The following APP variants were observed in gnomAD, a reference collection of about 807,000 sequenced individuals.
APP encodes the protein amyloid-beta precursor protein.
In APP, 31 loss-of-function variants were observed where a neutral mutation model predicts 101.4. That is an observed-to-expected ratio of 0.31 (90% CI 0.23 to 0.41). The LOEUF is 0.41. Ranked by LOEUF, APP falls within the 10% of genes least tolerant of loss-of-function variation. The pLI, the probability that APP is intolerant of heterozygous loss-of-function variation, is 1.00. For missense variants in APP, 839 were observed against 1,003.7 expected (o/e 0.84, Z 2.22); for synonymous variants, 366 against 364.4 (o/e 1.00, Z -0.05).
At chr21:26,079,044 CAAA>C (rs34285555) in intron 3 of APP, among the ~76,000 whole-genome samples, 3 of 114,452 alleles carry the variant, frequency 2.6e-5, no homozygotes, top group Non-Finnish European at 1.7e-5. Context: ...AACTCCATCT[CAAA>C]AAAAAAAAAA....
intron 3 of APP, among the ~76,000 whole-genome samples, chr21:26,089,167 T>C (rs1052675106): frequency 6.6e-6 from 1 of 152,150 alleles, no homozygotes; most frequent in Non-Finnish European, 1.5e-5. Flanking sequence ...ATGAATACAC[T>C]TGTGGAAAAC....
At chr21:25,904,898 A>G in intron 15 of APP, 126 bp downstream of exon 15, 2 of 820,634 alleles carry the variant, frequency 2.4e-6, no homozygotes, top group Admixed American at 2.0e-5. Context: ...TTGGTTTCTA[A>G]GGTCACTTCA....
chr21:25,995,439 G>A (rs2043015178), intron 8 of APP, among the ~76,000 whole-genome samples: 1 of 111,686 alleles, frequency 9.0e-6, no homozygotes, highest in Admixed American at 1.0e-4. Flanking sequence ...GCCATTTGGT[G>A]TGGAGTGCGG....
Position 26,126,989 on chromosome 21 carries a change from AC to A in APP, c.58-14844del, listed in dbSNP as rs909496223. Among the ~76,000 whole-genome samples, 72 of 151,974 alleles carry A rather than the reference AC, an allele frequency of 4.7e-4. 1 individual carries two copies. The highest frequency in any genetic ancestry group is 1.6e-3 in the African/African-American group (66 of 41,416). ...CCTTCCACAGAAGCAAAAAAAAAAA[AC>A]GTTAATTTTTAAAAGGTAGTTGGTG... On this transcript the variant is annotated intron_variant, in intron 1 of 17. Transcript: ENST00000346798.
intron 6 of APP, among the ~76,000 whole-genome samples, chr21:26,010,897 C>CACA (rs2043771738): frequency 6.7e-6 from 1 of 150,260 alleles, no homozygotes; most frequent in Non-Finnish European, 1.5e-5. Context: ...CTTGGTGAGG[C>CACA]ACACCTGTAA....
intron 17 of APP, among the ~76,000 whole-genome samples, chr21:25,886,510 C>T (rs2037338217): frequency 6.6e-6 from 1 of 152,100 alleles, no homozygotes; most frequent in Non-Finnish European, 1.5e-5. Context: ...TCTCCTGCCT[C>T]AGCCTCCTGA....
intron 1 of APP, 76 bp downstream of exon 1, chr21:26,170,488 A>G: frequency 6.8e-7 from 1 of 1,461,140 alleles, no homozygotes; most frequent in Non-Finnish European, 9.2e-7. Flanking sequence ...TGCATTAAAG[A>G]CTTGGGTTAA....
chr21:26,099,840 G>T (rs1006681341), intron 2 of APP, among the ~76,000 whole-genome samples: 2 of 152,212 alleles, frequency 1.3e-5, no homozygotes, highest in Non-Finnish European at 2.9e-5. Flanking sequence ...AGCATGCTAT[G>T]TTTCCAAATG....
intron 13 of APP, among the ~76,000 whole-genome samples, chr21:25,953,460 C>T (rs945993274): frequency 4.0e-4 from 61 of 152,272 alleles, no homozygotes; most frequent in Middle Eastern, 3.4e-3. Flanking sequence ...ACTTCAAAGT[C>T]GGACTTACTG....
At chr21:26,147,831 T>C (rs2063184065) in intron 1 of APP, among the ~76,000 whole-genome samples, 1 of 151,910 alleles carries the variant, frequency 6.6e-6, no homozygotes, top group African/African-American at 2.4e-5. Context: ...CTGAAGTCTC[T>C]TGGAAGGACT....
At chr21:26,019,951 T>C (rs1293767435) in intron 6 of APP, among the ~76,000 whole-genome samples, 2 of 152,246 alleles carry the variant, frequency 1.3e-5, no homozygotes, top group African/African-American at 2.4e-5. Context: ...GCGCATTTAC[T>C]AGCACATTTA....
In APP at chr21:25,943,449, C is replaced by CTT. The variant is rs769731298; in HGVS notation, c.1687+11139_1687+11140dup. On this transcript the variant is annotated intron_variant, in intron 13 of 17. Transcript: ENST00000346798. Reference sequence around the variant, plus strand: ...TTACAGGCGTGAGCACCGCACCCAGCTTTTTTTTTTTTTTCTCTTTTGAGA... The same window carrying CTT: ...TTACAGGCGTGAGCACCGCACCCAGCTTTTTTTTTTTTTTTTCTCTTTTGAGA... Among the ~76,000 whole-genome samples, 23 of 109,268 alleles carry CTT rather than the reference C, an allele frequency of 2.1e-4. No homozygotes were observed. The South Asian group carries it at 6.0e-3, about 28-fold the overall frequency. The allele number at this position is 109,268 out of a possible 152,430, so 71.7% of individuals were successfully genotyped here. A position where few individuals can be genotyped will look rare whatever the true frequency, so the allele number is the denominator to read the frequency against.
At chr21:26,024,815 CCTTT>C (rs569939027) in intron 5 of APP, among the ~76,000 whole-genome samples, 45 of 152,292 alleles carry the variant, frequency 3.0e-4, no homozygotes, top group African/African-American at 1.1e-3. Context: ...AAGTGGAACG[CCTTT>C]CTAACTCTGA....
intron 13 of APP, among the ~76,000 whole-genome samples, 163 bp from the exon 14 acceptor site, chr21:25,912,125 G>A (rs911008217): frequency 6.6e-6 from 1 of 152,160 alleles, no homozygotes; most frequent in African/African-American, 2.4e-5. Context: ...CCCTTTTACA[G>A]ATGTGAAAAC....
At chr21:26,143,335 A>G (rs1004767728) in intron 1 of APP, among the ~76,000 whole-genome samples, 16 of 152,236 alleles carry the variant, frequency 1.1e-4, no homozygotes, top group Non-Finnish European at 2.2e-4. Context: ...TGAAGTTTTG[A>G]TAATCAAAAG....
intron 6 of APP, among the ~76,000 whole-genome samples, chr21:26,006,699 A>G (rs934195348): frequency 2.0e-5 from 3 of 152,240 alleles, no homozygotes; most frequent in African/African-American, 7.2e-5. Flanking sequence ...CTGATTTTAC[A>G]TATTTTAATA....
intron 8 of APP, among the ~76,000 whole-genome samples, chr21:25,988,332 A>T (rs1169310301): frequency 6.6e-6 from 1 of 152,088 alleles, no homozygotes; most frequent in East Asian, 1.9e-4. Context: ...TTTGAGGGGG[A>T]GTATATGTGA....
chr21:25,950,857 T>G (rs1251541078), intron 13 of APP, among the ~76,000 whole-genome samples: 1 of 152,018 alleles, frequency 6.6e-6, no homozygotes, highest in African/African-American at 2.4e-5. Context: ...TTGCAACTAA[T>G]AAGAAATAAT....
chr21:26,120,774 T>C (rs1167471514), intron 1 of APP, among the ~76,000 whole-genome samples: 4 of 152,204 alleles, frequency 2.6e-5, no homozygotes, highest in Non-Finnish European at 4.4e-5. Flanking sequence ...ATATTTCAAA[T>C]CTGAAAGCAA....
Sources: gnomAD v4.1 joint callset for allele counts (sites outside exome capture counted in the v4.1 genomes callset) on GRCh38, gnomAD v4.1.1 for gene constraint, MANE v1.5 for transcripts, NCBI Gene and HGNC (gene_info 2026-07-23, HGNC 2026-07-21) for gene names.